PAX8: variants seen among roughly 807,000 people sequenced by gnomAD.
PAX8 encodes the protein paired box protein Pax-8.
A neutral mutation model predicts 52.4 loss-of-function variants in PAX8; 15 were observed. The ratio of observed to expected loss-of-function variants is 0.29; its 90% CI spans 0.19 to 0.44. The LOEUF is 0.44. Among genes scored for constraint, PAX8 ranks in the 20% least tolerant of loss-of-function variants. PAX8 has a pLI of 1.00. For missense variants in PAX8, 554 were observed against 602.5 expected (o/e 0.92, Z 0.84); for synonymous variants, 284 against 249.7 (o/e 1.14, Z -1.29).
chr2:113,238,685 C>T (rs571931454), intron 7 of PAX8: 31 of 152,302 alleles, frequency 2.0e-4, no homozygotes, highest in Non-Finnish European at 3.8e-4. Flanking sequence ...CTGCAATGAC[C>T]TGCCAAGTAG....
At chr2:113,251,271 T>C (rs1434379253) in intron 2 of PAX8, among the ~76,000 whole-genome samples, 1 of 152,080 alleles carries the variant, frequency 6.6e-6, no homozygotes, top group African/African-American at 2.4e-5. Context: ...GGGGGACGAT[T>C]GGCGCCCACT....
intron 2 of PAX8, chr2:113,267,328 C>T (rs1292711487): frequency 6.6e-6 from 1 of 152,192 alleles, no homozygotes; most frequent in Non-Finnish European, 1.5e-5. Context: ...CACTGTGAAC[C>T]CCAGAGACCT....
chr2:113,235,399 A>G lies in PAX8; in HGVS notation c.1082T>C (p.Leu361Pro). ...VYGQFTGQAL[L>P]SGREMVGPTL... The stretch of plus-strand genomic sequence containing the variant: ...CCGGGACCTCCCTGTCGTACCTGAG[A>G]GGAGGGCCTGGCCCGTGAACTGCCC... The change falls in exon 9 of 12, where the codon CTC becomes CCC. Residue 361 changes from leucine (L) to proline (P), a missense_variant. Physicochemically the swap from Leu to Pro is moderately conservative, Grantham distance 98. This residue lies in a region of PAX8 where 445 missense variants were observed against 409.9 expected (regional missense o/e 1.09). Transcript: ENST00000429538. 1 of 1,578,978 alleles carries G rather than the reference A, an allele frequency of 6.3e-7. No homozygotes were observed. The highest frequency in any genetic ancestry group is 8.6e-7 in the Non-Finnish European group (1 of 1,162,348).
intron 7 of PAX8, chr2:113,238,157 C>T (rs1690527306): frequency 6.6e-6 from 1 of 150,528 alleles, no homozygotes; most frequent in South Asian, 2.1e-4. Flanking sequence ...GCAACCTCTG[C>T]TTCCTGGGTT....
Position 113,234,633 on chromosome 2 carries a change from GC to G in PAX8, c.1087+760del, listed in dbSNP as rs1250261086. Among the ~76,000 whole-genome samples, 4 of 152,292 alleles carry G rather than the reference GC, an allele frequency of 2.6e-5. No individual in the cohort carries two copies. The East Asian group carries it at 7.7e-4, about 29-fold the overall frequency. ...CCTCCTGGGTTCAAGCGATTCTCCTGCCTCGGCCTCCCCAGTAGCTGGGATT... is the reference window on the plus strand; with the variant it reads ...CCTCCTGGGTTCAAGCGATTCTCCTGCTCGGCCTCCCCAGTAGCTGGGATT... On this transcript the variant is annotated intron_variant, in intron 9 of 11. Transcript: ENST00000429538.
chr2:113,220,250 C>A, intron 10 of PAX8, 72 bp from the exon 11 acceptor site: 5 of 1,207,796 alleles, frequency 4.1e-6, no homozygotes, highest in Non-Finnish European at 6.1e-6. Flanking sequence ...GTGGGAAGGT[C>A]TGCAGGGCTG....
chr2:113,222,608 G>T (rs1366107392), intron 10 of PAX8, among the ~76,000 whole-genome samples: 11 of 152,118 alleles, frequency 7.2e-5, no homozygotes, highest in Admixed American at 7.2e-4. Flanking sequence ...CCAAGGATTT[G>T]GCCGCTCCAA....
At chr2:113,255,190 T>C (rs1178439750) in intron 2 of PAX8, among the ~76,000 whole-genome samples, 1 of 117,180 alleles carries the variant, frequency 8.5e-6, no homozygotes, top group Admixed American at 8.7e-5. Context: ...GACAGAGGAA[T>C]AGAGGGAAGG....
chr2:113,262,621 T>C (rs1054703499), intron 2 of PAX8, among the ~76,000 whole-genome samples: 1 of 152,138 alleles, frequency 6.6e-6, no homozygotes, highest in Non-Finnish European at 1.5e-5. Flanking sequence ...GGAAACAAGG[T>C]CTTTGCAGAT....
chr2:113,253,499 G>A (rs1321030733), intron 2 of PAX8, among the ~76,000 whole-genome samples: 1 of 152,176 alleles, frequency 6.6e-6, no homozygotes, highest in Non-Finnish European at 1.5e-5. Context: ...CCTGCCACCT[G>A]CCACCACACT....
At chr2:113,262,169 T>C (rs141429538) in intron 2 of PAX8, among the ~76,000 whole-genome samples, 1 of 152,166 alleles carries the variant, frequency 6.6e-6, no homozygotes, top group East Asian at 1.9e-4. Flanking sequence ...CTTATCCTTT[T>C]TGTTTTCTTA....
rs561292565 is a variant in PAX8, at chr2:113,261,094, G to A, written c.26-14175C>T. Among the ~76,000 whole-genome samples the A allele has an allele frequency of 9.9e-5, 15 of 152,212 alleles. 1 individual carries two copies. In the South Asian group the frequency reaches 1.2e-3, roughly 13 times the overall value. ...ACCTGTCGATAGCAGGCACCATGGC[G>A]AAGGAGATTATCCACTCTAAAAGCT... On this transcript the variant is annotated intron_variant, in intron 2 of 11. Transcript: ENST00000429538.
chr2:113,262,654 T>C (rs1455967464), intron 2 of PAX8, among the ~76,000 whole-genome samples: 1 of 152,164 alleles, frequency 6.6e-6, no homozygotes, highest in Non-Finnish European at 1.5e-5. Context: ...GTGAGGTCAT[T>C]AGGGTGGGCC....
In PAX8 at chr2:113,227,235, G is replaced by A. The variant is rs377351599; in HGVS notation, c.1109C>T (p.Thr370Met). The A allele has an allele frequency of 6.6e-5, 106 of 1,610,110 alleles. No individual in the cohort carries two copies. The highest frequency in any genetic ancestry group is 8.1e-5 in the Non-Finnish European group (96 of 1,178,674). ...LLSGREMVGPTLPGYPPHIPT... is the reference protein window; with the variant it reads ...LLSGREMVGPMLPGYPPHIPT... ...GATGTGGGGTGGGTATCCGGGCAGCGTGGGCCCCACCATCTCTCGCCCTGG... is the reference window on the plus strand; with the variant it reads ...GATGTGGGGTGGGTATCCGGGCAGCATGGGCCCCACCATCTCTCGCCCTGG... Residue 370 changes from threonine (T) to methionine (M), a missense_variant, in exon 10 of 12, where the codon ACG (threonine) becomes ATG (methionine). By Grantham distance (81) the Thr-to-Met change is moderately conservative (BLOSUM62 -1). This residue lies in a region of PAX8 where 445 missense variants were observed against 409.9 expected (regional missense o/e 1.09). Transcript: ENST00000429538.
chr2:113,217,593 T>C lies in PAX8; in HGVS notation c.*940A>G. 4.3e-6 allele frequency: 1 copy of C among 230,806 alleles called. No individual in the cohort carries two copies. The highest frequency in any genetic ancestry group is 8.6e-6 in the Non-Finnish European group (1 of 116,512). The allele number at this position is 230,806 out of a possible 1,614,324, so 14.3% of individuals were successfully genotyped here. A position where few individuals can be genotyped will look rare whatever the true frequency, so the allele number is the denominator to read the frequency against. The stretch of plus-strand genomic sequence containing the variant: ...GGAGCAGAGAGGGACCCTCTATCGC[T>C]GGCTTCAGGGGGTGCCTTGGGTCCC... On this transcript the variant is annotated 3_prime_UTR_variant, in exon 12 of 12. Transcript: ENST00000429538.
At chr2:113,255,090 AAAAG>A (rs1467044123) in intron 2 of PAX8, among the ~76,000 whole-genome samples, 16 of 107,338 alleles carry the variant, frequency 1.5e-4, no homozygotes, top group South Asian at 7.9e-4. Flanking sequence ...AAGGAAGGAA[AAAAG>A]AAGGAAGGAG....
At chr2:113,222,488 C>T (rs1689327829) in intron 10 of PAX8, among the ~76,000 whole-genome samples, 1 of 152,190 alleles carries the variant, frequency 6.6e-6, no homozygotes, top group African/African-American at 2.4e-5. Flanking sequence ...GTGGCATCTT[C>T]CCGTCATCAG....
At position 113,278,916 on chromosome 2, in the gene PAX8, G is replaced by T; in HGVS notation, c.-161C>A. ...GGTGTCTCTCCTCCTTCTGAAGTTTGTTCCCATCCACCCGGCATCACCGAC... is the reference window on the plus strand; with the variant it reads ...GGTGTCTCTCCTCCTTCTGAAGTTTTTTCCCATCCACCCGGCATCACCGAC... On this transcript the variant is annotated 5_prime_UTR_variant, in exon 1 of 12. Coordinates refer to ENST00000429538, the MANE Select transcript of PAX8 (RefSeq NM_003466.4). The T allele has an allele frequency of 9.6e-7, 1 of 1,045,208 alleles. No homozygotes were observed. Among genetic ancestry groups the T allele is most frequent in the East Asian group, 5.5e-5 (1 of 18,130 alleles). The allele number at this position is 1,045,208 out of a possible 1,614,324, so 64.7% of individuals were successfully genotyped here. A position where few individuals can be genotyped will look rare whatever the true frequency, so the allele number is the denominator to read the frequency against.
At chr2:113,242,817 AGGAAAGAGAACTCAT>A in intron 4 of PAX8, 39 bp from the exon 5 acceptor site, 1 of 1,521,270 alleles carries the variant, frequency 6.6e-7, no homozygotes. Context: ...AGAGAAGAGG[AGGAAAGAGAACTCAT>A]GGCTGCCCCA....
Sources: gnomAD v4.1 joint callset for allele counts (sites outside exome capture counted in the v4.1 genomes callset) on GRCh38, gnomAD v4.1.1 for gene constraint, gnomAD v4.1.1 regional missense constraint, MANE v1.5 for transcripts, NCBI Gene and HGNC (gene_info 2026-07-23, HGNC 2026-07-21) for gene names.